Variants in NME7 observed in about 807,000 individuals in gnomAD.
The protein encoded by NME7 is NME/NM23 family member 7, also known as nucleoside diphosphate kinase 7.
NME7 carries 41 observed loss-of-function variants against 49.1 expected under a neutral mutation model. The observed-to-expected ratio is 0.83, with a 90% CI of 0.65 to 1.08. The LOEUF (loss-of-function observed/expected upper bound fraction) is 1.08, where lower values mean the gene tolerates loss of function less well. Among genes scored for constraint, NME7 ranks in the 50% least tolerant of loss-of-function variants. The pLI is 0.00. For missense variants in NME7, 423 were observed against 463.4 expected, an observed-to-expected ratio of 0.91 and a Z score of 0.80; for synonymous variants, 139 against 150.6, an observed-to-expected ratio of 0.92 and a Z score of 0.56.
At chr1:169,136,398 G>A (rs4656177) in intron 11 of NME7, among the ~76,000 whole-genome samples, 2 of 151,928 alleles carry the variant, frequency 1.3e-5, no homozygotes, top group African/African-American at 2.4e-5. Context: ...TACCATAAAC[G>A]TTTGAAACCT....
intron 11 of NME7, among the ~76,000 whole-genome samples, chr1:169,166,423 C>CT (rs1356698797): frequency 6.6e-6 from 1 of 151,874 alleles, no homozygotes; most frequent in African/African-American, 2.4e-5. Context: ...CTTAATGGAG[C>CT]TAACAAAGTC....
intron 10 of NME7, among the ~76,000 whole-genome samples, chr1:169,205,205 A>G (rs1660640684): frequency 6.6e-6 from 1 of 152,092 alleles, no homozygotes; most frequent in Admixed American, 6.6e-5. Context: ...CTAATTCACT[A>G]CTTTCTATAA....
At chr1:169,356,812 G>A (rs1653483201) in intron 1 of NME7, among the ~76,000 whole-genome samples, 1 of 152,108 alleles carries the variant, frequency 6.6e-6, no homozygotes, top group African/African-American at 2.4e-5. Flanking sequence ...TAACTTTAGG[G>A]AATCAATGTT....
intron 10 of NME7, among the ~76,000 whole-genome samples, chr1:169,171,863 G>C (rs1659606010): frequency 6.6e-6 from 1 of 151,392 alleles, no homozygotes; most frequent in East Asian, 1.9e-4. Context: ...TAGATGCCAG[G>C]GACATGCTGC....
At chr1:169,197,743 T>C (rs1660429863) in intron 10 of NME7, among the ~76,000 whole-genome samples, 1 of 152,102 alleles carries the variant, frequency 6.6e-6, no homozygotes, top group Non-Finnish European at 1.5e-5. Flanking sequence ...AAGCAAGACC[T>C]ACAATTTTAG....
chr1:169,223,784 TATAGAG>T (rs1661215719), intron 10 of NME7, among the ~76,000 whole-genome samples: 1 of 150,620 alleles, frequency 6.6e-6, no homozygotes, highest in Admixed American at 6.6e-5. Flanking sequence ...CATATATATA[TATAGAG>T]AGAGAGAGAG....
At chr1:169,240,010 G>A (rs1349446546) in intron 7 of NME7, among the ~76,000 whole-genome samples, 1 of 151,900 alleles carries the variant, frequency 6.6e-6, no homozygotes, top group East Asian at 1.9e-4. Flanking sequence ...TTAGCTCTTA[G>A]ATAGTACTGA....
chr1:169,317,983 G>C (rs1361823548), intron 3 of NME7, among the ~76,000 whole-genome samples: 1 of 152,182 alleles, frequency 6.6e-6, no homozygotes, highest in Non-Finnish European at 1.5e-5. Context: ...GTAAGGGATA[G>C]CGTATTGTTC....
At chr1:169,139,298 C>T (rs1481519882) in intron 11 of NME7, among the ~76,000 whole-genome samples, 1 of 152,082 alleles carries the variant, frequency 6.6e-6, no homozygotes, top group East Asian at 1.9e-4. Flanking sequence ...GTGTGTAATC[C>T]TTACAACCAC....
intron 11 of NME7, among the ~76,000 whole-genome samples, chr1:169,138,396 A>G (rs1034860752): frequency 2.0e-5 from 3 of 151,212 alleles, no homozygotes; most frequent in East Asian, 2.0e-4. Context: ...TGGAAACCCA[A>G]TGTCTTCAGA....
chr1:169,270,193 A>G (rs1247311183), intron 7 of NME7, among the ~76,000 whole-genome samples: 1 of 134,962 alleles, frequency 7.4e-6, no homozygotes, highest in Admixed American at 7.3e-5. Flanking sequence ...CTAAACTTCA[A>G]AAAGGACTGT....
intron 3 of NME7, among the ~76,000 whole-genome samples, chr1:169,318,143 A>G (rs1651724303): frequency 6.6e-6 from 1 of 152,194 alleles, no homozygotes; most frequent in Admixed American, 6.5e-5. Context: ...TGTTCTGTAG[A>G]TCCAACTTTT....
chr1:169,148,237 A>G (rs1435619589), intron 11 of NME7, among the ~76,000 whole-genome samples: 1 of 152,136 alleles, frequency 6.6e-6, no homozygotes, highest in Admixed American at 6.5e-5. Flanking sequence ...TCCTGACCTC[A>G]AGTGATTGAC....
At chr1:169,317,218 C>T (rs776329401) in intron 3 of NME7, among the ~76,000 whole-genome samples, 4 of 152,174 alleles carry the variant, frequency 2.6e-5, no homozygotes, top group South Asian at 2.1e-4. Context: ...AACCCAAATA[C>T]GCTATCAATC....
chr1:169,237,983 A>C (rs1647928102), intron 7 of NME7, among the ~76,000 whole-genome samples: 1 of 152,114 alleles, frequency 6.6e-6, no homozygotes, highest in Non-Finnish European at 1.5e-5. Context: ...TAGAGAACAT[A>C]AAAATCAAAC....
At chr1:169,139,085 TA>T (rs1658516422) in intron 11 of NME7, among the ~76,000 whole-genome samples, 1 of 152,202 alleles carries the variant, frequency 6.6e-6, no homozygotes, top group African/African-American at 2.4e-5. Flanking sequence ...CTGTAATGAT[TA>T]AAAAGGTATT....
intron 10 of NME7, among the ~76,000 whole-genome samples, chr1:169,181,990 T>C (rs12029857): frequency 0.083 from 12,558 of 152,100 alleles, 707 homozygotes; most frequent in Admixed American, 0.19. Flanking sequence ...TTTCATTCAC[T>C]ACTATCATAT....
chr1:169,146,088 C>T (rs372264902), intron 11 of NME7, among the ~76,000 whole-genome samples: 1 of 152,228 alleles, frequency 6.6e-6, no homozygotes, highest in East Asian at 1.9e-4. Context: ...CCTCTTCTCA[C>T]TCTCCCCGCT....
chr1:169,224,812 C>G (rs1328969144), intron 10 of NME7, among the ~76,000 whole-genome samples: 2 of 152,224 alleles, frequency 1.3e-5, no homozygotes, highest in Middle Eastern at 3.4e-3. Context: ...ATGAATAAAA[C>G]ATGATCTTGG....
Sources: allele counts gnomAD v4.1 joint callset (sites outside exome capture counted in the v4.1 genomes callset), GRCh38; gene constraint gnomAD v4.1.1; transcripts MANE v1.5; gene names NCBI Gene and HGNC (gene_info 2026-07-23, HGNC 2026-07-21).